Variants in ADAM23 observed in about 807,000 individuals in gnomAD.
ADAM23 encodes ADAM metallopeptidase domain 23.
In ADAM23, 33 loss-of-function variants were observed where a neutral mutation model predicts 120.1. The ratio of observed to expected loss-of-function variants is 0.27; its 90% CI spans 0.21 to 0.37. The LOEUF is 0.37. Ranked by LOEUF, ADAM23 falls within the 10% of genes least tolerant of loss-of-function variation. The pLI, the probability that ADAM23 is intolerant of heterozygous loss-of-function variation, is 1.00. For synonymous variants in ADAM23, 367 were observed against 375.2 expected (o/e 0.98, Z 0.25); for missense variants, 862 against 1,058.2 (o/e 0.81, Z 2.57).
chr2:206,461,185 C>T (rs1212335589), intron 2 of ADAM23, among the ~76,000 whole-genome samples: 1 of 151,580 alleles, frequency 6.6e-6, no homozygotes, highest in African/African-American at 2.4e-5. Context: ...CCTCAACCTC[C>T]TGAGTAGCTG....
intron 21 of ADAM23, among the ~76,000 whole-genome samples, chr2:206,589,979 T>C (rs1698395063): frequency 6.6e-6 from 1 of 152,054 alleles, no homozygotes; most frequent in Non-Finnish European, 1.5e-5. Context: ...TTTAATCAGA[T>C]ATCTAATATC....
At chr2:206,554,889 A>G (rs1166716792) in intron 9 of ADAM23, among the ~76,000 whole-genome samples, 1 of 152,136 alleles carries the variant, frequency 6.6e-6, no homozygotes. Context: ...TCTCAGCAAT[A>G]TTGGACACAG....
intron 2 of ADAM23, among the ~76,000 whole-genome samples, chr2:206,477,275 C>T (rs1444995986): frequency 6.6e-6 from 1 of 152,154 alleles, no homozygotes. Context: ...AAGCACATTG[C>T]TAAGACGTGT....
chr2:206,556,796 G>A (rs991568685), intron 9 of ADAM23, among the ~76,000 whole-genome samples: 2 of 152,004 alleles, frequency 1.3e-5, no homozygotes, highest in Admixed American at 6.6e-5. Context: ...TCATTTGGAG[G>A]AGGCATTCCT....
intron 3 of ADAM23, among the ~76,000 whole-genome samples, chr2:206,526,585 C>T (rs190728094): frequency 6.6e-6 from 1 of 152,248 alleles, no homozygotes; most frequent in African/African-American, 2.4e-5. Flanking sequence ...GATAATCCTG[C>T]AGGGATTTTA....
intron 10 of ADAM23, 141 bp from the exon 11 acceptor site, chr2:206,559,814 G>T: frequency 1.5e-6 from 1 of 677,010 alleles, no homozygotes. Flanking sequence ...GAAAGGAAAA[G>T]AAGATTCTCT....
chr2:206,600,647 C>T (rs1441560370), intron 24 of ADAM23, among the ~76,000 whole-genome samples: 1 of 152,024 alleles, frequency 6.6e-6, no homozygotes, highest in Non-Finnish European at 1.5e-5. Flanking sequence ...ACTATAAGTT[C>T]CTGGAAGAAT....
chr2:206,477,903 T>TATATATACAC (rs762753300), intron 2 of ADAM23, among the ~76,000 whole-genome samples: 1 of 135,526 alleles, frequency 7.4e-6, no homozygotes, highest in Admixed American at 7.3e-5. Flanking sequence ...AAAAAATATA[T>TATATATACAC]ATATATATAT....
intron 4 of ADAM23, among the ~76,000 whole-genome samples, chr2:206,539,229 CA>C (rs1263485445): frequency 1.3e-5 from 2 of 152,120 alleles, no homozygotes; most frequent in African/African-American, 4.8e-5. Context: ...TGTGACTAGC[CA>C]ATAACTTCCA....
intron 3 of ADAM23, among the ~76,000 whole-genome samples, chr2:206,483,102 C>A (rs1396975987): frequency 2.6e-5 from 4 of 152,146 alleles, no homozygotes; most frequent in African/African-American, 9.7e-5. Context: ...GGGGAATAAA[C>A]AGAGGTCCTG....
chr2:206,595,622 C>G (rs1698509660), intron 23 of ADAM23, among the ~76,000 whole-genome samples: 1 of 152,070 alleles, frequency 6.6e-6, no homozygotes. Flanking sequence ...TGCTTTTGAG[C>G]CCACTGTCTA....
intron 3 of ADAM23, among the ~76,000 whole-genome samples, chr2:206,485,101 A>G (rs976837096): frequency 1.3e-5 from 2 of 152,190 alleles, no homozygotes; most frequent in African/African-American, 4.8e-5. Context: ...CTAATGTAAT[A>G]CATCCCCCAT....
intron 2 of ADAM23, among the ~76,000 whole-genome samples, chr2:206,447,689 G>A (rs1444052255): frequency 1.3e-5 from 2 of 152,220 alleles, no homozygotes; most frequent in African/African-American, 4.8e-5. Flanking sequence ...AAATGTTTCA[G>A]TAAGAAAGTA....
At chr2:206,555,893 T>C (rs1421630429) in intron 9 of ADAM23, among the ~76,000 whole-genome samples, 1 of 152,224 alleles carries the variant, frequency 6.6e-6, no homozygotes, top group Non-Finnish European at 1.5e-5. Flanking sequence ...TTTTTCCTTT[T>C]ACTCTTAAGT....
Position 206,530,922 on chromosome 2 carries a change from G to A in ADAM23, c.547G>A (p.Glu183Lys), listed in dbSNP as rs148692770. The A allele has an allele frequency of 1.1e-5, 18 of 1,613,582 alleles. No individual in the cohort carries two copies. The African/African-American group carries it at 1.2e-4, about 11-fold the overall frequency. Residue 183 changes from glutamate to lysine, a missense_variant, in exon 4 of 26, where the codon GAA (glutamate) becomes AAA (lysine). Physicochemically the swap from Glu to Lys is moderately conservative, Grantham distance 56. Around this residue, in one of 4 missense-constraint regions of ADAM23, gnomAD observed 617 missense variants for 813.5 expected, o/e 0.76. Coordinates refer to ENST00000264377, the MANE Select transcript of ADAM23 (RefSeq NM_003812.4). ...TTCTGATTATGTGGAGATTCACTACGAAAATGGGAAACCACAGTACTCTAA... is the reference window on the plus strand; with the variant it reads ...TTCTGATTATGTGGAGATTCACTACAAAAATGGGAAACCACAGTACTCTAA... The part of the protein sequence containing the change: ...LSSDYVEIHY[E>K]NGKPQYSKGG...
chr2:206,498,879 C>CA (rs1289582164), intron 3 of ADAM23, among the ~76,000 whole-genome samples: 2 of 151,852 alleles, frequency 1.3e-5, no homozygotes, highest in Non-Finnish European at 2.9e-5. Flanking sequence ...TTTATGCAGC[C>CA]AAAAAAACAT....
In ADAM23 at chr2:206,456,144, G is replaced by A. The variant is rs1189501743; in HGVS notation, c.432+10620G>A. ...AGAAGTTTAATTGACTCACAGTTCC[G>A]TAAGCTATACAGGAAGTATGACTGG... On this transcript the variant is annotated intron_variant, in intron 2 of 25. Coordinates refer to ENST00000264377, the MANE Select transcript of ADAM23 (RefSeq NM_003812.4). Among the ~76,000 whole-genome samples the A allele has an allele frequency of 6.6e-5, 10 of 152,194 alleles. No individual in the cohort carries two copies. The East Asian group carries it at 9.6e-4, about 15-fold the overall frequency.
rs543275399 is a variant in ADAM23, at chr2:206,552,399, A to G, written c.933+2239A>G. 4.6e-5 allele frequency among the ~76,000 whole-genome samples: 7 copies of G among 152,298 alleles called. No homozygotes were observed. In the South Asian group the frequency reaches 1.0e-3, roughly 23 times the overall value. Reference sequence around the variant, plus strand: ...CAGTTACTACTAAGTGTTAATTACAATTAAACAGTTATAGTTTTTTGGTAA... The same window carrying G: ...CAGTTACTACTAAGTGTTAATTACAGTTAAACAGTTATAGTTTTTTGGTAA... On this transcript the variant is annotated intron_variant, in intron 9 of 25. Coordinates refer to ENST00000264377, the MANE Select transcript of ADAM23 (RefSeq NM_003812.4).
At chr2:206,475,537 A>G (rs1019927535) in intron 2 of ADAM23, among the ~76,000 whole-genome samples, 11 of 151,440 alleles carry the variant, frequency 7.3e-5, no homozygotes, top group Non-Finnish European at 1.2e-4. Flanking sequence ...TTGATATTTA[A>G]TTATCTGGGA....
Sources: allele counts gnomAD v4.1 joint callset (sites outside exome capture counted in the v4.1 genomes callset), GRCh38; gene constraint gnomAD v4.1.1; regional missense constraint gnomAD v4.1.1; transcripts MANE v1.5; gene names NCBI Gene and HGNC (gene_info 2026-07-23, HGNC 2026-07-21).